HTRA3: variants seen among roughly 807,000 people sequenced by gnomAD.
HTRA3 encodes the protein serine protease HTRA3.
A neutral mutation model predicts 43.2 loss-of-function variants in HTRA3; 41 were observed. That is an observed-to-expected ratio of 0.95 (90% CI 0.74 to 1.23). The LOEUF (loss-of-function observed/expected upper bound fraction) is 1.23, where lower values mean the gene tolerates loss of function less well. HTRA3 is among the 50% of genes most tolerant of loss of function. The probability of loss-of-function intolerance (pLI) is 0.00; values close to 1 mark genes in which losing one functional copy is unlikely to be tolerated. For missense variants in HTRA3, 628 were observed against 647.1 expected, an observed-to-expected ratio of 0.97 and a Z score of 0.32; for synonymous variants, 295 against 287.9, an observed-to-expected ratio of 1.02 and a Z score of -0.25.
chr4:8,304,393 G>T, intron 8 of HTRA3, 114 bp downstream of exon 8: 1 of 768,636 alleles, frequency 1.3e-6, no homozygotes. Context: ...GACCGGGAAG[G>T]GGCAGGTGGA....
rs150588431 is a variant in HTRA3, at chr4:8,294,125, G to A, written c.975G>A (p.Thr325=). ...TTGGCATCAACACGCTCAAGGTCAC[G>A]GCTGGCATCTCCTTTGCCATCCCCT... is the stretch of plus-strand genomic sequence containing the variant. ...EVIGINTLKV[T]AGISFAIPSD... The change falls in exon 6 of 9, where the codon ACG becomes ACA. Residue 325 remains threonine, a synonymous_variant. Transcript: ENST00000307358. 349 of 1,612,226 alleles carry A rather than the reference G, an allele frequency of 2.2e-4. No individual in the cohort carries two copies. In the African/African-American group the frequency reaches 3.7e-3, roughly 17 times the overall value.
intron 2 of HTRA3, 103 bp downstream of exon 2, chr4:8,282,639 G>C (rs1196570235): frequency 2.2e-6 from 2 of 889,394 alleles, no homozygotes; most frequent in Admixed American, 2.0e-5. Flanking sequence ...CTGGGCCACA[G>C]AAACTGGAGT....
intron 2 of HTRA3, among the ~76,000 whole-genome samples, chr4:8,285,759 C>T (rs1712933565): frequency 6.6e-6 from 1 of 152,258 alleles, no homozygotes; most frequent in Non-Finnish European, 1.5e-5. Context: ...GCCAGCTCCA[C>T]ACCGTTCACA....
At chr4:8,292,179 G>A (rs377633706) in intron 4 of HTRA3, 142 bp from the exon 5 acceptor site, 1 of 667,344 alleles carries the variant, frequency 1.5e-6, no homozygotes, top group East Asian at 2.7e-5. Context: ...TGAAATGGGG[G>A]CAGCACTGAG....
chr4:8,272,351 C>G (rs115990509), intron 1 of HTRA3, among the ~76,000 whole-genome samples: 1,560 of 152,244 alleles, frequency 0.01, 29 homozygotes, highest in African/African-American at 0.036. Flanking sequence ...TAGTCTTATC[C>G]CCAGAGACAG....
intron 6 of HTRA3, among the ~76,000 whole-genome samples, chr4:8,299,432 A>G (rs1713561891): frequency 6.6e-6 from 1 of 152,178 alleles, no homozygotes; most frequent in Non-Finnish European, 1.5e-5. Flanking sequence ...GCAGTCTGTG[A>G]ATAAAGACAG....
At chr4:8,282,630 T>C in intron 2 of HTRA3, 94 bp downstream of exon 2, 1 of 966,688 alleles carries the variant, frequency 1.0e-6, no homozygotes, top group Non-Finnish European at 1.6e-6. Flanking sequence ...TTCTGCAGCC[T>C]GGGCCACAGA....
In HTRA3 at chr4:8,286,569, T is replaced by C. The variant is rs1483893524; in HGVS notation, c.494T>C (p.Leu165Pro). ...TGTCTCCCTGGCTGCAGACACCCGC[T>C]GTTTGGCCGCAACGTGCCCCTGTCC... ...VHIELFLRHP[L>P]FGRNVPLSSG... The change falls in exon 3 of 9, where the codon CTG becomes CCG. Residue 165 changes from leucine to proline, a missense_variant. Coordinates refer to ENST00000307358, the MANE Select transcript of HTRA3 (RefSeq NM_053044.5). This position sits in a 1 kb window ranked among gnomAD's most constrained non-coding sequence, Gnocchi z 4.9. The C allele has an allele frequency of 6.2e-7, 1 of 1,613,624 alleles. No homozygotes were observed. The highest frequency in any genetic ancestry group is 1.3e-5 in the African/African-American group (1 of 74,886).
chr4:8,305,464 G>C (rs1343454166), intron 8 of HTRA3, among the ~76,000 whole-genome samples: 1 of 152,252 alleles, frequency 6.6e-6, no homozygotes, highest in Non-Finnish European at 1.5e-5. Context: ...GGCATGTGAG[G>C]GTCCTGATGC....
chr4:8,279,508 G>T lies in HTRA3; in HGVS notation c.386-2929G>T, dbSNP rs1018835637. ...AGCTCAGGGGCCCAGCAGCCCAGGC[G>T]CTTGAGGGGGTCCAGGGGCTGGGCT... is the stretch of plus-strand genomic sequence containing the variant. On this transcript the variant is annotated intron_variant, in intron 1 of 8. Coordinates refer to ENST00000307358, the MANE Select transcript of HTRA3 (RefSeq NM_053044.5). This position sits in a 1 kb window ranked among gnomAD's most constrained non-coding sequence, Gnocchi z 7.4. Among the ~76,000 whole-genome samples, 6 of 152,140 alleles carry T rather than the reference G, an allele frequency of 3.9e-5. No individual in the cohort carries two copies. Among genetic ancestry groups the T allele is most frequent in the African/African-American group, 1.4e-4 (6 of 41,420 alleles).
In HTRA3 at chr4:8,304,168, G is replaced by C; in HGVS notation, c.1101-16G>C. 4 of 1,610,514 alleles carry C rather than the reference G, an allele frequency of 2.5e-6. No individual in the cohort carries two copies. Among genetic ancestry groups the C allele is most frequent in the Non-Finnish European group, 3.4e-6 (4 of 1,176,834 alleles). ...AAAGGCTCAGGGGAGGGGCCTTGAC[G>C]GCAGACTCTTTCCAGCCTGGTGGAT... On this transcript the variant is annotated splice_polypyrimidine_tract_variant and intron_variant, in intron 7 of 8. Coordinates refer to ENST00000307358, the MANE Select transcript of HTRA3 (RefSeq NM_053044.5).
intron 2 of HTRA3, among the ~76,000 whole-genome samples, chr4:8,284,432 A>T (rs1712879627): frequency 6.6e-6 from 1 of 152,182 alleles, no homozygotes; most frequent in South Asian, 2.1e-4. Context: ...GCCTCCAGTG[A>T]CTGATGCTCT....
chr4:8,303,370 C>T (rs891320509), intron 7 of HTRA3, among the ~76,000 whole-genome samples: 13 of 152,188 alleles, frequency 8.5e-5, no homozygotes, highest in Admixed American at 6.5e-4. Flanking sequence ...AAAAGCAGGT[C>T]CACTGCAGAG....
At chr4:8,291,635 T>G in intron 4 of HTRA3, 71 bp downstream of exon 4, 4 of 1,183,096 alleles carry the variant, frequency 3.4e-6, no homozygotes, top group Non-Finnish European at 4.7e-6. Context: ...AGGTGGTCTC[T>G]GACTCGGCTT....
In HTRA3 at chr4:8,296,557, G is replaced by T. The variant is rs76189491; in HGVS notation, c.1051+2356G>T. On this transcript the variant is annotated intron_variant, in intron 6 of 8. Transcript: ENST00000307358. This position sits in a 1 kb window ranked among gnomAD's most constrained non-coding sequence, Gnocchi z 5.3. ...TTAAGTGCATTTATTATTCTCGTCT[G>T]GAGGTGGGGTGCAGAGGCCTCTGAG... The T allele has an allele frequency of 1.1e-3, 1,083 of 984,324 alleles. 16 individuals carry two copies. In the African/African-American group the frequency reaches 0.018, roughly 16 times the overall value. 61.0% of individuals were successfully genotyped at this position (984,324 alleles called of 1,614,324 possible).
chr4:8,292,921 G>A (rs965771463), intron 5 of HTRA3, among the ~76,000 whole-genome samples: 3 of 152,196 alleles, frequency 2.0e-5, no homozygotes, highest in Non-Finnish European at 4.4e-5. Flanking sequence ...CTGGAGGGAC[G>A]CTGGGCAGGA....
Position 8,296,583 on chromosome 4 carries a change from G to A in HTRA3, c.1051+2382G>A, listed in dbSNP as rs1336854828. Reference sequence around the variant, plus strand: ...GAGGTGGGGTGCAGAGGCCTCTGAGGGGCTTTCAGGGTAAAGAGTGGCCAC... The same window carrying A: ...GAGGTGGGGTGCAGAGGCCTCTGAGAGGCTTTCAGGGTAAAGAGTGGCCAC... On this transcript the variant is annotated intron_variant, in intron 6 of 8. Transcript: ENST00000307358. This position sits in a 1 kb window ranked among gnomAD's most constrained non-coding sequence, Gnocchi z 5.3. 2.1e-6 allele frequency: 2 copies of A among 951,010 alleles called. No homozygotes were observed. Among genetic ancestry groups the A allele is most frequent in the Middle Eastern group, 5.3e-4 (1 of 1,872 alleles). 58.9% of individuals were successfully genotyped at this position (951,010 alleles called of 1,614,324 possible). A position where few individuals can be genotyped will look rare whatever the true frequency, so the allele number is the denominator to read the frequency against.
At chr4:8,302,402 G>A (rs930746318) in intron 6 of HTRA3, 61 bp from the exon 7 acceptor site, 11 of 1,497,544 alleles carry the variant, frequency 7.3e-6, no homozygotes, top group Admixed American at 5.0e-5. Flanking sequence ...CCTGTCCCCT[G>A]AGGGAGCGTG....
chr4:8,287,274 C>T lies in HTRA3; in HGVS notation c.708+491C>T, dbSNP rs531982210. ...TGAGGCCCCCAGAATCCTCTTCTTC[C>T]TCCACCGGCTGTTTCTGGAAGGCCT... is the stretch of plus-strand genomic sequence containing the variant. On this transcript the variant is annotated intron_variant, in intron 3 of 8. Coordinates refer to ENST00000307358, the MANE Select transcript of HTRA3 (RefSeq NM_053044.5). 1.3e-4 allele frequency among the ~76,000 whole-genome samples: 20 copies of T among 152,296 alleles called. No individual in the cohort carries two copies. In the East Asian group the frequency reaches 3.9e-3, roughly 29 times the overall value.
Sources: gnomAD v4.1 joint callset for allele counts (sites outside exome capture counted in the v4.1 genomes callset) on GRCh38, gnomAD v4.1.1 for gene constraint, Gnocchi (gnomAD v3.1) non-coding constraint, MANE v1.5 for transcripts, NCBI Gene and HGNC (gene_info 2026-07-23, HGNC 2026-07-21) for gene names.